The following SEMA5A variants were observed in gnomAD, a reference collection of about 807,000 sequenced individuals.
The protein encoded by SEMA5A is semaphorin 5A.
In SEMA5A, 55 loss-of-function variants were observed where a neutral mutation model predicts 135.5. That is an observed-to-expected ratio of 0.41 (90% confidence interval 0.33 to 0.51). The LOEUF (loss-of-function observed/expected upper bound fraction) is 0.51. SEMA5A is among the 20% of genes least tolerant of loss of function. The pLI, the probability that SEMA5A is intolerant of heterozygous loss-of-function variation, is 0.37. For missense variants in SEMA5A, 1,290 were observed against 1,419.9 expected, an observed-to-expected ratio of 0.91 and a Z score of 1.47; for synonymous variants, 580 against 546.5, an observed-to-expected ratio of 1.06 and a Z score of -0.85.
intron 13 of SEMA5A, among the ~76,000 whole-genome samples, chr5:9,123,846 A>G (rs952671113): frequency 2.0e-5 from 3 of 152,152 alleles, no homozygotes; most frequent in Admixed American, 6.5e-5. Context: ...AGCTAGACAC[A>G]TAACTATTAC....
chr5:9,169,298 C>T lies in SEMA5A; in HGVS notation c.1274-14603G>A, dbSNP rs1227113518. The stretch of plus-strand genomic sequence containing the variant: ...TCAAGTTGCAGACCTCAAATATATA[C>T]ACTTTGTATTTTTTAAAAACCCATA... On this transcript the variant is annotated intron_variant, in intron 11 of 22. Transcript: ENST00000382496. Among the ~76,000 whole-genome samples the T allele has an allele frequency of 5.3e-5, 8 of 152,278 alleles. No individual in the cohort carries two copies. In the East Asian group the frequency reaches 1.5e-3, roughly 29 times the overall value.
chr5:9,058,881 T>G (rs1737034385), intron 18 of SEMA5A, among the ~76,000 whole-genome samples: 1 of 152,148 alleles, frequency 6.6e-6, no homozygotes, highest in East Asian at 1.9e-4. Flanking sequence ...AGAAATTTCC[T>G]ACACCAACTG....
intron 1 of SEMA5A, among the ~76,000 whole-genome samples, chr5:9,475,579 A>G (rs902776659): frequency 5.3e-5 from 8 of 152,244 alleles, no homozygotes; most frequent in African/African-American, 1.7e-4. Flanking sequence ...CAAATATGCA[A>G]GAAAAATTCA....
In SEMA5A at chr5:9,335,247, G is replaced by C. The variant is rs74942911; in HGVS notation, c.224+2466C>G. ...AGACCTCTAGGGATACTGAGAGAGA[G>C]AGAGACACCCCACTGACACTGGAAT... On this transcript the variant is annotated intron_variant, in intron 4 of 22. Transcript: ENST00000382496. 7.1e-3 allele frequency among the ~76,000 whole-genome samples: 1,082 copies of C among 152,252 alleles called. 12 individuals carry two copies. The highest frequency in any genetic ancestry group is 0.025 in the African/African-American group (1,020 of 41,552).
chr5:9,417,108 C>T lies in SEMA5A; in HGVS notation c.-78+20648G>A, dbSNP rs554100157. Among the ~76,000 whole-genome samples the T allele has an allele frequency of 1.6e-3, 246 of 152,324 alleles. 2 individuals are homozygous for T. Among genetic ancestry groups the T allele is most frequent in the African/African-American group, 5.7e-3 (236 of 41,570 alleles). The stretch of plus-strand genomic sequence containing the variant: ...CTACACAGATTTTCTCTTTATTCTG[C>T]CATGCAGAAAAATAAGAGAGGCCAT... On this transcript the variant is annotated intron_variant, in intron 2 of 22. Transcript: ENST00000382496.
At chr5:9,471,896 A>G (rs1759491075) in intron 1 of SEMA5A, among the ~76,000 whole-genome samples, 1 of 152,274 alleles carries the variant, frequency 6.6e-6, no homozygotes, top group South Asian at 2.1e-4. Flanking sequence ...TTGAAGGAAG[A>G]ATGCAGAAAA....
chr5:9,209,726 G>A (rs547968228), intron 8 of SEMA5A, among the ~76,000 whole-genome samples: 98 of 152,292 alleles, frequency 6.4e-4, no homozygotes, highest in Admixed American at 8.5e-4. Context: ...ACAGGGAGCC[G>A]ACTTCCCAAT....
intron 5 of SEMA5A, among the ~76,000 whole-genome samples, chr5:9,263,335 G>A (rs560771544): frequency 1.2e-4 from 19 of 152,312 alleles, no homozygotes; most frequent in South Asian, 8.3e-4. Context: ...ACAAGTGAGC[G>A]TTACTGCCTG....
At chr5:9,475,062 C>G (rs1203200597) in intron 1 of SEMA5A, among the ~76,000 whole-genome samples, 1 of 152,228 alleles carries the variant, frequency 6.6e-6, no homozygotes, top group Non-Finnish European at 1.5e-5. Flanking sequence ...CTGCCTCAGC[C>G]TCCCGACTAG....
intron 1 of SEMA5A, among the ~76,000 whole-genome samples, chr5:9,462,794 A>G (rs973983715): frequency 3.3e-5 from 5 of 152,140 alleles, no homozygotes; most frequent in African/African-American, 1.2e-4. Context: ...ATGGACACAA[A>G]GAGAAGAATA....
chr5:9,451,939 G>A (rs16882825), intron 1 of SEMA5A, among the ~76,000 whole-genome samples: 3,147 of 152,272 alleles, frequency 0.021, 52 homozygotes, highest in Non-Finnish European at 0.032. Flanking sequence ...GAGCCACCTG[G>A]TAGAAGAGGA....
intron 6 of SEMA5A, 148 bp downstream of exon 6, chr5:9,237,680 G>A (rs1747982694): frequency 7.9e-6 from 4 of 508,828 alleles, no homozygotes; most frequent in Non-Finnish European, 1.3e-5. Flanking sequence ...TTAAAAACTT[G>A]AGAATATACC....
At chr5:9,055,289 T>C (rs1404437337) in intron 18 of SEMA5A, among the ~76,000 whole-genome samples, 1 of 152,238 alleles carries the variant, frequency 6.6e-6, no homozygotes, top group Non-Finnish European at 1.5e-5. Context: ...AGGACAAAGC[T>C]ACAGGACGTT....
chr5:9,341,777 A>G (rs1206852367), intron 3 of SEMA5A, among the ~76,000 whole-genome samples: 1 of 151,222 alleles, frequency 6.6e-6, no homozygotes, highest in East Asian at 1.9e-4. Context: ...ACTATCCTAG[A>G]TAATCCAATT....
chr5:9,056,031 T>A (rs945669354), intron 18 of SEMA5A, among the ~76,000 whole-genome samples: 1 of 152,174 alleles, frequency 6.6e-6, no homozygotes, highest in African/African-American at 2.4e-5. Context: ...TCATTGTGAC[T>A]TATAGTAATG....
chr5:9,093,252 C>A (rs1163200528), intron 16 of SEMA5A, among the ~76,000 whole-genome samples: 1 of 152,078 alleles, frequency 6.6e-6, no homozygotes, highest in Non-Finnish European at 1.5e-5. Flanking sequence ...AGATAGCTTC[C>A]CTCTTTTAGA....
intron 1 of SEMA5A, among the ~76,000 whole-genome samples, chr5:9,470,209 G>A (rs1333325022): frequency 6.6e-6 from 1 of 152,208 alleles, no homozygotes; most frequent in Non-Finnish European, 1.5e-5. Flanking sequence ...TTCCCTTGAT[G>A]TTAGGGTGTG....
At chr5:9,519,227 G>A (rs529226892) in intron 1 of SEMA5A, among the ~76,000 whole-genome samples, 41 of 151,996 alleles carry the variant, frequency 2.7e-4, no homozygotes, top group South Asian at 6.2e-4. Context: ...CTTTTTTTTA[G>A]GTGAGTATCC....
At chr5:9,259,349 G>A (rs980099245) in intron 5 of SEMA5A, among the ~76,000 whole-genome samples, 4 of 152,088 alleles carry the variant, frequency 2.6e-5, no homozygotes, top group Non-Finnish European at 5.9e-5. Flanking sequence ...TAGTTTCCAT[G>A]TAGTTGAGTG....
Sources: allele counts gnomAD v4.1 joint callset (sites outside exome capture counted in the v4.1 genomes callset), GRCh38; gene constraint gnomAD v4.1.1; transcripts MANE v1.5; gene names NCBI Gene and HGNC (gene_info 2026-07-23, HGNC 2026-07-21).